The following LRRN4 variants were observed in gnomAD, a reference collection of about 807,000 sequenced individuals.
LRRN4 encodes the protein leucine rich repeat neuronal 4.
A neutral mutation model predicts 22.3 loss-of-function variants in LRRN4; 26 were observed. The ratio of observed to expected loss-of-function variants is 1.16; its 90% confidence interval spans 0.85 to 1.62. The LOEUF (loss-of-function observed/expected upper bound fraction) is 1.62, where lower values mean the gene tolerates loss of function less well. Ranked by LOEUF, LRRN4 falls within the 40% of genes most tolerant of loss-of-function variation. The pLI is 0.00. For missense variants in LRRN4, 1,070 were observed against 1,008.5 expected (o/e 1.06, Z -0.83); for synonymous variants, 496 against 486.2 (o/e 1.02, Z -0.26).
intron 1 of LRRN4, among the ~76,000 whole-genome samples, 179 bp downstream of exon 1, chr20:6,053,645 ATATCCC>A (rs527753220): frequency 2.3e-4 from 35 of 152,298 alleles, no homozygotes; most frequent in Middle Eastern, 6.8e-3. Flanking sequence ...TCACTGCTCC[ATATCCC>A]TCATCACTGC....
chr20:6,046,694 A>G (rs1195309549), intron 3 of LRRN4, among the ~76,000 whole-genome samples: 1 of 149,006 alleles, frequency 6.7e-6, no homozygotes, highest in Non-Finnish European at 1.5e-5. Flanking sequence ...AAGGAAGGAC[A>G]TGTCACCCAC....
In LRRN4 at chr20:6,041,971, G is replaced by A. The variant is rs757732371; in HGVS notation, c.1274C>T (p.Ala425Val). The A allele has an allele frequency of 2.5e-6, 4 of 1,614,108 alleles. 1 individual carries two copies. Among genetic ancestry groups the A allele is most frequent in the Middle Eastern group, 3.3e-4 (2 of 6,062 alleles). Residue 425 changes from alanine (A) to valine (V), a missense_variant, in exon 5 of 5, where the codon GCA (alanine) becomes GTA (valine). Ala to Val is a moderately conservative substitution (Grantham distance 64, BLOSUM62 0). Transcript: ENST00000378858. This position sits in a 1 kb window ranked among gnomAD's most constrained non-coding sequence, Gnocchi z 9.4. The part of the protein sequence containing the change: ...RTIAAWPHSD[A>V]REGTAPSTTN... ...CGTGGAGGGGGCAGTCCCCTCCCGT[G>A]CATCGCTGTGCGGCCATGCAGCTAT...
chr20:6,051,396 C>G (rs6053851), intron 2 of LRRN4, among the ~76,000 whole-genome samples: 4,533 of 152,246 alleles, frequency 0.03, 208 homozygotes, highest in African/African-American at 0.099. Flanking sequence ...ATTAAGGAGG[C>G]GAGGGGCCCC....
chr20:6,041,434 T>C lies in LRRN4; in HGVS notation c.1811A>G (p.Asn604Ser), dbSNP rs754808618. 3.1e-5 allele frequency: 48 copies of C among 1,554,976 alleles called. No homozygotes were observed. Among genetic ancestry groups the C allele is most frequent in the Non-Finnish European group, 3.7e-5 (42 of 1,148,828 alleles). Reference protein sequence around the residue: ...TSALVHWCAPNSVVHGYQIRY... With the variant: ...TSALVHWCAPSSVVHGYQIRY... ...GATCTGGTACCCATGCACTACCGAG[T>C]TGGGGGCACACCAGTGGACCAGCGC... is the stretch of plus-strand genomic sequence containing the variant. Residue 604 changes from asparagine to serine, a missense_variant, in exon 5 of 5, where the codon AAC becomes AGC. Physicochemically the swap from Asn to Ser is conservative, Grantham distance 46. Transcript: ENST00000378858. The surrounding 1 kb of genome is among the most constrained non-coding windows in gnomAD (Gnocchi z 9.4).
intron 4 of LRRN4, 125 bp downstream of exon 4, chr20:6,044,418 A>G (rs765846111): frequency 1.1e-4 from 107 of 1,001,498 alleles, no homozygotes; most frequent in Non-Finnish European, 1.3e-4. Context: ...TACATGGGAA[A>G]GGCTGCCCAG....
At position 6,042,219 on chromosome 20, in the gene LRRN4, A is replaced by G. The variant is rs1980985072; in HGVS notation, c.1026T>C (p.Ala342=). The G allele has an allele frequency of 3.7e-6, 6 of 1,612,938 alleles. No individual in the cohort carries two copies. Among genetic ancestry groups the G allele is most frequent in the Non-Finnish European group, 5.1e-6 (6 of 1,179,588 alleles). Residue 342 remains alanine (A), a synonymous_variant, in exon 5 of 5, where the codon GCT becomes GCC. Transcript: ENST00000378858. The stretch of plus-strand genomic sequence containing the variant: ...CTGAGAAGGGGCCGCTGGATCCCGC[A>G]GCTGGCGCGCACATAGTGTCTGCTG... ...SRAADTMCAP[A]AGSSGPFSAS...
At position 6,052,564 on chromosome 20, in the gene LRRN4, C is replaced by T. The variant is rs1981287224; in HGVS notation, c.236G>A (p.Ser79Asn). ...CAGCAGGTTGTGGCTGGCGTCGAGG[C>T]TGCGCAGTGTGCGCGGTAGGCAGCC... ...LPGCLPRTLR[S>N]LDASHNLLRA... The change falls in exon 2 of 5, where the codon AGC becomes AAC. Residue 79 changes from serine to asparagine, a missense_variant. Ser to Asn is a conservative substitution (Grantham distance 46). Coordinates refer to ENST00000378858, the MANE Select transcript of LRRN4 (RefSeq NM_152611.5). 6.3e-7 allele frequency: 1 copy of T among 1,579,858 alleles called. No individual in the cohort carries two copies. The highest frequency in any genetic ancestry group is 1.8e-5 in the Admixed American group (1 of 55,858).
chr20:6,041,396 C>T lies in LRRN4; in HGVS notation c.1849G>A (p.Glu617Lys). ...ACCGACTGGTTCCCCGCCCAGCCCT[C>T]CGCAGAGTAGCGGATCTGGTACCCA... ...VHGYQIRYSA[E>K]GWAGNQSVVG... The change falls in exon 5 of 5, where the codon GAG (glutamate) becomes AAG (lysine). Residue 617 changes from glutamate (E) to lysine (K), a missense_variant. Transcript: ENST00000378858. This position sits in a 1 kb window ranked among gnomAD's most constrained non-coding sequence, Gnocchi z 9.4. The T allele has an allele frequency of 1.9e-6, 3 of 1,575,194 alleles. No homozygotes were observed. Among genetic ancestry groups the T allele is most frequent in the Non-Finnish European group, 2.6e-6 (3 of 1,161,050 alleles).
rs1568643350 is a variant in LRRN4, at chr20:6,052,358, G to GCTGCTCGGCGCGGAA, written c.441_442insTTCCGCGCCGAGCAG (p.Ser147_Leu148insPheArgAlaGluGln). On this transcript the variant is annotated inframe_insertion, in exon 2 of 5. Transcript: ENST00000378858. The stretch of plus-strand genomic sequence containing the variant: ...TTCCCGGCGAGCGCCAGGGCGCGGA[G>GCTGCTCGGCGCGGAA]GCTGCTCAGCGCGGGCCCGGTGCAC... The GCTGCTCGGCGCGGAA allele has an allele frequency of 2.0e-6, 3 of 1,511,120 alleles. No individual in the cohort carries two copies. The East Asian group carries it at 7.9e-5, about 40-fold the overall frequency. 93.6% of individuals were successfully genotyped at this position (1,511,120 alleles called of 1,614,324 possible). A position where few individuals can be genotyped will look rare whatever the true frequency, so the allele number is the denominator to read the frequency against.
intron 3 of LRRN4, among the ~76,000 whole-genome samples, chr20:6,046,725 C>A (rs1485965176): frequency 6.7e-6 from 1 of 148,832 alleles, no homozygotes; most frequent in Non-Finnish European, 1.5e-5. Flanking sequence ...TCACTTCTGG[C>A]CAGTAGGAAA....
At position 6,052,240 on chromosome 20, in the gene LRRN4, T is replaced by G. The variant is rs1981266735; in HGVS notation, c.560A>C (p.Gln187Pro). Residue 187 changes from glutamine to proline, a missense_variant, in exon 2 of 5, where the codon CAG (glutamine) becomes CCG (proline). Gln to Pro is a moderately conservative substitution (Grantham distance 76). Transcript: ENST00000378858. ...LSCTALGRGA[Q>P]GGIAEAAFAG... Reference sequence around the variant, plus strand: ...GAACGCCGCCTCGGCGATGCCCCCCTGGGCTCCGCGACCCAGCGCGGTGCA... The same window carrying G: ...GAACGCCGCCTCGGCGATGCCCCCCGGGGCTCCGCGACCCAGCGCGGTGCA... 1.3e-6 allele frequency: 2 copies of G among 1,566,232 alleles called. No homozygotes were observed. Among genetic ancestry groups the G allele is most frequent in the African/African-American group, 2.7e-5 (2 of 73,614 alleles).
Position 6,050,829 on chromosome 20 carries a change from G to A in LRRN4, c.810C>T (p.Ala270=), listed in dbSNP as rs1981224798. 6.2e-7 allele frequency: 1 copy of A among 1,613,814 alleles called. No homozygotes were observed. The highest frequency in any genetic ancestry group is 8.5e-7 in the Non-Finnish European group (1 of 1,179,904). The change falls in exon 3 of 5, where the codon GCC becomes GCT. Residue 270 remains alanine (A), a synonymous_variant. Coordinates refer to ENST00000378858, the MANE Select transcript of LRRN4 (RefSeq NM_152611.5). ...CQDSPALASV[A]THIFQDTPHL... ...GTGGAGTATCTTGAAAGATGTGTGTGGCGACAGAAGCAAGTGCTGGGGAGT... is the reference window on the plus strand; with the variant it reads ...GTGGAGTATCTTGAAAGATGTGTGTAGCGACAGAAGCAAGTGCTGGGGAGT...
Position 6,052,579 on chromosome 20 carries a change from G to T in LRRN4, c.221C>A (p.Pro74Gln). ...RNLERLPGCL[P>Q]RTLRSLDASH... is the part of the protein sequence containing the mutation. ...GGCGTCGAGGCTGCGCAGTGTGCGC[G>T]GTAGGCAGCCGGGCAGGCGCTCCAG... Residue 74 changes from proline (P) to glutamine (Q), a missense_variant, in exon 2 of 5, where the codon CCG becomes CAG. Physicochemically the swap from Pro to Gln is moderately conservative, Grantham distance 76. Coordinates refer to ENST00000378858, the MANE Select transcript of LRRN4 (RefSeq NM_152611.5). 1 of 1,581,992 alleles carries T rather than the reference G, an allele frequency of 6.3e-7. No individual in the cohort carries two copies. Among genetic ancestry groups the T allele is most frequent in the Non-Finnish European group, 8.5e-7 (1 of 1,172,470 alleles).
rs11482044 is a variant in LRRN4 at position 6,042,918 on chromosome 20, CAA to C, written c.999-674_999-673del. Among the ~76,000 whole-genome samples, 622 of 124,186 alleles carry C rather than the reference CAA, an allele frequency of 5.0e-3. 2 individuals carry two copies. The highest frequency in any genetic ancestry group is 0.015 in the African/African-American group (526 of 34,350). The allele number at this position is 124,186 out of a possible 152,430, so 81.5% of individuals were successfully genotyped here. On this transcript the variant is annotated intron_variant, in intron 4 of 4. Coordinates refer to ENST00000378858, the MANE Select transcript of LRRN4 (RefSeq NM_152611.5). ...TGGGCAACAGAGGGAGACTCTGTCT[CAA>C]AAAAAAAAAAAAAAAAATACTCATA... is the stretch of plus-strand genomic sequence containing the variant.
At position 6,042,305 on chromosome 20, in the gene LRRN4, G is replaced by C. The variant is rs560730339; in HGVS notation, c.999-59C>G. On this transcript the variant is annotated intron_variant, in intron 4 of 4. Transcript: ENST00000378858. Reference sequence around the variant, plus strand: ...GGCTTCAGGGACACTTCTGCGCAGAGCTTTGAATCCTCATTGCCGACGTCA... The same window carrying C: ...GGCTTCAGGGACACTTCTGCGCAGACCTTTGAATCCTCATTGCCGACGTCA... The C allele has an allele frequency of 9.8e-4, 1,498 of 1,523,664 alleles. 5 individuals are homozygous for C. The highest frequency in any genetic ancestry group is 9.2e-3 in the Middle Eastern group (38 of 4,116). The allele number at this position is 1,523,664 out of a possible 1,614,324, so 94.4% of individuals were successfully genotyped here.
In LRRN4 at chr20:6,041,632, ACCT is replaced by A. The variant is rs758006380; in HGVS notation, c.1610_1612del (p.Glu537del). ...GGGGACGTCCTGGTGAGGCGTTCCC[ACCT>A]CCTCCTTCCTCCCTTCCTCCTCCTC... On this transcript the variant is annotated inframe_deletion, in exon 5 of 5. Transcript: ENST00000378858. The surrounding 1 kb of genome is among the most constrained non-coding windows in gnomAD (Gnocchi z 9.4). 4.5e-5 allele frequency: 72 copies of A among 1,598,104 alleles called. No individual in the cohort carries two copies. The African/African-American group carries it at 8.3e-4, about 18-fold the overall frequency.
chr20:6,051,909 G>A (rs1157261653), intron 2 of LRRN4, among the ~76,000 whole-genome samples: 1 of 152,214 alleles, frequency 6.6e-6, no homozygotes, highest in Non-Finnish European at 1.5e-5. Flanking sequence ...TCCCTCATAT[G>A]TAAAAAGGAG....
chr20:6,041,813 G>A lies in LRRN4; in HGVS notation c.1432C>T (p.Leu478=). The change falls in exon 5 of 5, where the codon CTG becomes TTG. Residue 478 remains leucine, a synonymous_variant. Transcript: ENST00000378858. This position sits in a 1 kb window ranked among gnomAD's most constrained non-coding sequence, Gnocchi z 9.4. The part of the protein sequence containing the change: ...EPDISAASTP[L]ASKLLGPFPT... ...AAGGGGCCCAGGAGCTTGCTGGCCAGTGGGGTGGAGGCAGCTGAGATATCA... is the reference window on the plus strand; with the variant it reads ...AAGGGGCCCAGGAGCTTGCTGGCCAATGGGGTGGAGGCAGCTGAGATATCA... 1 of 1,614,190 alleles carries A rather than the reference G, an allele frequency of 6.2e-7. No individual in the cohort carries two copies. Among genetic ancestry groups the A allele is most frequent in the East Asian group, 2.2e-5 (1 of 44,878 alleles).
chr20:6,042,140 T>C lies in LRRN4; in HGVS notation c.1105A>G (p.Thr369Ala). The change falls in exon 5 of 5, where the codon ACT becomes GCT. Residue 369 changes from threonine to alanine, a missense_variant. Physicochemically the swap from Thr to Ala is moderately conservative, Grantham distance 58. Transcript: ENST00000378858. ...PGVCQSDQST[T>A]LGASHPPCFN... Reference sequence around the variant, plus strand: ...CAAGGTGGGTGTGAAGCCCCGAGAGTGGTGCTTTGGTCGGACTGGCACACT... The same window carrying C: ...CAAGGTGGGTGTGAAGCCCCGAGAGCGGTGCTTTGGTCGGACTGGCACACT... 6.2e-7 allele frequency: 1 copy of C among 1,613,474 alleles called. No homozygotes were observed. Among genetic ancestry groups the C allele is most frequent in the Non-Finnish European group, 8.5e-7 (1 of 1,179,854 alleles).
Sources: allele counts gnomAD v4.1 joint callset (sites outside exome capture counted in the v4.1 genomes callset), GRCh38; gene constraint gnomAD v4.1.1; non-coding constraint Gnocchi (gnomAD v3.1); transcripts MANE v1.5; gene names NCBI Gene and HGNC (gene_info 2026-07-23, HGNC 2026-07-21).